The following PCDH15 variants were observed in gnomAD, a reference collection of about 807,000 sequenced individuals.
PCDH15 encodes the protein protocadherin-15.
In PCDH15, 129 loss-of-function variants were observed where a neutral mutation model predicts 178.5. The observed-to-expected ratio is 0.72, with a 90% CI of 0.63 to 0.84. The LOEUF (loss-of-function observed/expected upper bound fraction) is 0.84, where lower values mean the gene tolerates loss of function less well. PCDH15 is among the 40% of genes least tolerant of loss of function. PCDH15 has a pLI of 0.00. For missense variants in PCDH15, 2,230 were observed against 2,099.9 expected (o/e 1.06, Z -1.21); for synonymous variants, 800 against 732.0 (o/e 1.09, Z -1.50).
intron 2 of PCDH15, among the ~76,000 whole-genome samples, chr10:55,608,553 G>T (rs1843285168): frequency 6.6e-6 from 1 of 151,662 alleles, no homozygotes; most frequent in Non-Finnish European, 1.5e-5. Context: ...ATAAGTAATT[G>T]GTATATATCT....
intron 2 of PCDH15, among the ~76,000 whole-genome samples, chr10:54,629,143 A>C (rs907817786): frequency 1.0e-4 from 15 of 147,496 alleles, no homozygotes; most frequent in Non-Finnish European, 1.5e-4. Context: ...CTTCAACACA[A>C]AAAAAAAATT....
intron 18 of PCDH15, among the ~76,000 whole-genome samples, chr10:54,062,238 AAAAAAAAAAAAAAAC>A (rs1209888703): frequency 4.1e-5 from 4 of 97,414 alleles, no homozygotes; most frequent in African/African-American, 1.2e-4. Flanking sequence ...AAAAAAAAAA[AAAAAAAAAAAAAAAC>A]AAAAAACAAC....
chr10:54,169,753 C>T (rs140513824), intron 13 of PCDH15, among the ~76,000 whole-genome samples: 39 of 152,120 alleles, frequency 2.6e-4, no homozygotes, highest in Non-Finnish European at 3.8e-4. Context: ...CATCCCATCC[C>T]GCAGCACGCT....
intron 2 of PCDH15, among the ~76,000 whole-genome samples, chr10:55,435,254 T>A (rs931197195): frequency 6.6e-6 from 1 of 152,176 alleles, no homozygotes. Context: ...TACGAAGGTA[T>A]TGATACAAAC....
At chr10:53,861,173 T>A (rs1463731508) in intron 27 of PCDH15, among the ~76,000 whole-genome samples, 6 of 152,208 alleles carry the variant, frequency 3.9e-5, no homozygotes, top group Admixed American at 3.9e-4. Context: ...ATTAGTAGAT[T>A]TTATTTATGC....
chr10:54,374,947 C>T (rs1352552971), intron 4 of PCDH15, among the ~76,000 whole-genome samples: 1 of 151,906 alleles, frequency 6.6e-6, no homozygotes, highest in Non-Finnish European at 1.5e-5. Flanking sequence ...ATATTGTTTG[C>T]TTTTAATTCT....
At chr10:54,106,920 T>C (rs1347040618) in intron 15 of PCDH15, among the ~76,000 whole-genome samples, 1 of 152,216 alleles carries the variant, frequency 6.6e-6, no homozygotes, top group Admixed American at 6.5e-5. Context: ...AATACACATA[T>C]AATCCAGGTC....
chr10:55,081,316 G>C (rs1205370816), intron 2 of PCDH15, among the ~76,000 whole-genome samples: 1 of 152,074 alleles, frequency 6.6e-6, no homozygotes, highest in Non-Finnish European at 1.5e-5. Flanking sequence ...GATGTCCCTA[G>C]TCAGCCAGCT....
intron 2 of PCDH15, among the ~76,000 whole-genome samples, chr10:54,900,779 G>A (rs1481663526): frequency 6.6e-6 from 1 of 152,128 alleles, no homozygotes; most frequent in Non-Finnish European, 1.5e-5. Flanking sequence ...CCCAGTTTAT[G>A]TCTCAGTTTC....
chr10:54,865,468 C>T (rs1953922968), intron 3 of PCDH15, among the ~76,000 whole-genome samples: 1 of 152,152 alleles, frequency 6.6e-6, no homozygotes, highest in Non-Finnish European at 1.5e-5. Context: ...CTTCCTTGCT[C>T]CTCAGCTTGC....
At chr10:55,573,692 T>A (rs950940210) in intron 2 of PCDH15, among the ~76,000 whole-genome samples, 1 of 152,092 alleles carries the variant, frequency 6.6e-6, no homozygotes, top group Non-Finnish European at 1.5e-5. Context: ...AATTATGTAA[T>A]AACTCAGCAT....
At position 55,344,812 on chromosome 10, in the gene PCDH15, A is replaced by G. The variant is rs143021641; in HGVS notation, c.-155-178161T>C. 3.9e-3 allele frequency among the ~76,000 whole-genome samples: 590 copies of G among 152,232 alleles called. 3 individuals carry two copies. The highest frequency in any genetic ancestry group is 0.013 in the African/African-American group (537 of 41,560). On this transcript the variant is annotated intron_variant, in intron 2 of 5. Transcript: ENST00000613346. ...GGATTTACGGTTCTGTGACTGAAAG[A>G]CACAATCAAGGGAATTCATATGCAC... is the stretch of plus-strand genomic sequence containing the variant.
chr10:53,978,379 G>A (rs901789610), intron 21 of PCDH15, among the ~76,000 whole-genome samples: 11 of 152,130 alleles, frequency 7.2e-5, no homozygotes, highest in African/African-American at 1.7e-4. Flanking sequence ...CTTCTGAAGC[G>A]ATGGCCTGAA....
chr10:54,216,723 A>C (rs4935509), intron 9 of PCDH15, among the ~76,000 whole-genome samples: 136,179 of 152,160 alleles, frequency 0.89, 61,078 homozygotes, highest in East Asian at 0.98. Flanking sequence ...AAATTTATGA[A>C]GGAGAGTATG....
intron 3 of PCDH15, among the ~76,000 whole-genome samples, chr10:54,829,343 C>A (rs1374444232): frequency 1.3e-5 from 2 of 151,880 alleles, no homozygotes; most frequent in Non-Finnish European, 2.9e-5. Flanking sequence ...ACTACTACTA[C>A]TACTACCAAT....
chr10:54,174,916 G>C (rs1386320285), intron 13 of PCDH15, among the ~76,000 whole-genome samples: 2 of 151,804 alleles, frequency 1.3e-5, no homozygotes, highest in African/African-American at 2.4e-5. Context: ...CTAAGCATGA[G>C]TGAATAACCT....
At chr10:54,720,352 T>A (rs186290547) in intron 1 of PCDH15, among the ~76,000 whole-genome samples, 1 of 152,000 alleles carries the variant, frequency 6.6e-6, no homozygotes, top group Non-Finnish European at 1.5e-5. Flanking sequence ...CACTAATGCA[T>A]ATAGTCATCA....
intron 2 of PCDH15, among the ~76,000 whole-genome samples, chr10:55,537,789 G>C (rs2132071163): frequency 6.6e-6 from 1 of 152,144 alleles, no homozygotes; most frequent in South Asian, 2.1e-4. Context: ...TCCTGACCCT[G>C]TAATAAAATA....
intron 2 of PCDH15, among the ~76,000 whole-genome samples, chr10:54,954,404 C>T (rs987151393): frequency 1.3e-5 from 2 of 151,208 alleles, no homozygotes; most frequent in Non-Finnish European, 3.0e-5. Flanking sequence ...CTCTATTGAA[C>T]ATATCTTAGC....
Sources: allele counts gnomAD v4.1 joint callset (sites outside exome capture counted in the v4.1 genomes callset), GRCh38; gene constraint gnomAD v4.1.1; transcripts MANE v1.5; gene names NCBI Gene and HGNC (gene_info 2026-07-23, HGNC 2026-07-21).